CPSF6: variants seen among roughly 807,000 people sequenced by gnomAD.
CPSF6 encodes cleavage and polyadenylation specific factor 6.
Under a neutral mutation model 56.7 loss-of-function variants are expected in CPSF6, and 10 were observed. The ratio of observed to expected loss-of-function variants is 0.18; its 90% CI spans 0.11 to 0.30. The LOEUF (loss-of-function observed/expected upper bound fraction) is 0.30, where lower values mean the gene tolerates loss of function less well. Among genes scored for constraint, CPSF6 ranks in the 10% least tolerant of loss-of-function variants. The pLI is 1.00. For synonymous variants in CPSF6, 248 were observed against 244.8 expected (o/e 1.01, Z -0.12); for missense variants, 419 against 722.9 (o/e 0.58, Z 4.82).
chr12:69,250,590 CAAAAAAAAA>C (rs61337613), intron 1 of CPSF6, among the ~76,000 whole-genome samples: 7 of 48,862 alleles, frequency 1.4e-4, no homozygotes, highest in East Asian at 6.9e-4. Context: ...CTGGTCTCTA[CAAAAAAAAA>C]AAAAAAAAGA....
At chr12:69,253,216 CTTTCCT>C in intron 3 of CPSF6, 62 bp downstream of exon 3, 2 of 865,472 alleles carry the variant, frequency 2.3e-6, no homozygotes, top group Non-Finnish European at 3.7e-6. Flanking sequence ...TACAAGTTAA[CTTTCCT>C]TTAAGTTAAT....
At chr12:69,259,128 G>A (rs1355920012) in intron 6 of CPSF6, 34 bp downstream of exon 6, 1 of 1,560,982 alleles carries the variant, frequency 6.4e-7, no homozygotes, top group Admixed American at 1.8e-5. Flanking sequence ...AGTACTTGAT[G>A]ATAAAAGATA....
In CPSF6 at chr12:69,270,114, G is replaced by A. The variant is rs558303667; in HGVS notation, c.*606G>A. On this transcript the variant is annotated 3_prime_UTR_variant, in exon 10 of 10. Transcript: ENST00000435070. ...TCTTGCGTTCAGTGAATTAAACATA[G>A]TAATTAAGTGTCTTTTGCCCTTGAT... The A allele has an allele frequency of 3.6e-4, 55 of 152,244 alleles. No homozygotes were observed. Among genetic ancestry groups the A allele is most frequent in the African/African-American group, 1.3e-3 (54 of 41,534 alleles). The allele number at this position is 152,244 out of a possible 1,614,324, so 9.4% of individuals were successfully genotyped here.
chr12:69,246,566 T>A (rs892041522), intron 1 of CPSF6, among the ~76,000 whole-genome samples: 1 of 152,242 alleles, frequency 6.6e-6, no homozygotes, highest in Non-Finnish European at 1.5e-5. Context: ...TAGCCAGTTT[T>A]AATAACTACT....
At chr12:69,253,573 A>G (rs1437652317) in intron 3 of CPSF6, among the ~76,000 whole-genome samples, 1 of 152,188 alleles carries the variant, frequency 6.6e-6, no homozygotes, top group Non-Finnish European at 1.5e-5. Context: ...TGAGAACATT[A>G]TAAATACAGA....
In CPSF6 at chr12:69,257,719, T is replaced by C; in HGVS notation, c.521-13T>C. 1 of 1,601,820 alleles carries C rather than the reference T, an allele frequency of 6.2e-7. No homozygotes were observed. ...TTAATAAGTGCTATTTATGAGTATT[T>C]GGATATTTGCAGCTACACAATCAGG... On this transcript the variant is annotated splice_polypyrimidine_tract_variant and intron_variant, in intron 4 of 9. Coordinates refer to ENST00000435070, the MANE Select transcript of CPSF6 (RefSeq NM_007007.3).
At chr12:69,239,745 G>A (rs755950808) in intron 1 of CPSF6, 39 bp downstream of exon 1, 1 of 1,551,188 alleles carries the variant, frequency 6.4e-7, no homozygotes, top group Non-Finnish European at 8.7e-7. Flanking sequence ...GACGCGGGCG[G>A]CGCTGCGGCC....
intron 9 of CPSF6, among the ~76,000 whole-genome samples, chr12:69,265,680 A>C (rs567555023): frequency 2.1e-3 from 305 of 143,956 alleles, no homozygotes; most frequent in Non-Finnish European, 3.4e-3. Flanking sequence ...TCAGCTCACC[A>C]CAACCTTCAC....
intron 1 of CPSF6, among the ~76,000 whole-genome samples, chr12:69,241,015 A>G (rs1311206003): frequency 1.3e-5 from 2 of 152,222 alleles, no homozygotes; most frequent in African/African-American, 2.4e-5. Context: ...TCCCACCTCC[A>G]TTAACCATCA....
In CPSF6 at chr12:69,262,012, C is replaced by A. The variant is rs566481077; in HGVS notation, c.1470-361C>A. On this transcript the variant is annotated intron_variant, in intron 8 of 9. Transcript: ENST00000435070. The stretch of plus-strand genomic sequence containing the variant: ...TTCATGACTTTTATATCTAAAAAAA[C>A]CATATTGTAGATGTTCTTTAGCTTG... Among the ~76,000 whole-genome samples the A allele has an allele frequency of 3.3e-5, 5 of 152,256 alleles. No individual in the cohort carries two copies. The East Asian group carries it at 9.6e-4, about 29-fold the overall frequency.
At chr12:69,257,702 T>C (rs774384509) in intron 4 of CPSF6, 30 bp from the exon 5 acceptor site, 39 of 1,579,228 alleles carry the variant, frequency 2.5e-5, no homozygotes, top group Non-Finnish European at 3.3e-5. Context: ...TTTTAATAAG[T>C]GCTATTTATG....
At chr12:69,259,147 G>T (rs1872638493) in intron 6 of CPSF6, 53 bp downstream of exon 6, 1 of 1,521,722 alleles carries the variant, frequency 6.6e-7, no homozygotes, top group African/African-American at 1.4e-5. Flanking sequence ...TAGGAACAAT[G>T]ACTGTAAATA....
rs1414164181 is a variant in CPSF6 at position 69,243,889 on chromosome 12, G to A, written c.60+4183G>A. On this transcript the variant is annotated intron_variant, in intron 1 of 9. Transcript: ENST00000435070. ...CTCACTGTCATCCAGTCTGGAGTGC[G>A]GTGGTGCAGTTGTGGCTCACTGCAG... 3.3e-5 allele frequency among the ~76,000 whole-genome samples: 5 copies of A among 152,286 alleles called. No individual in the cohort carries two copies. In the East Asian group the frequency reaches 9.7e-4, roughly 29 times the overall value.
chr12:69,253,451 A>G (rs923422805), intron 3 of CPSF6, among the ~76,000 whole-genome samples: 2 of 152,190 alleles, frequency 1.3e-5, no homozygotes, highest in South Asian at 2.1e-4. Context: ...TTTAAGAACC[A>G]TTACTCTCCC....
chr12:69,243,704 G>T (rs1346779541), intron 1 of CPSF6, among the ~76,000 whole-genome samples: 3 of 152,192 alleles, frequency 2.0e-5, no homozygotes, highest in Non-Finnish European at 4.4e-5. Flanking sequence ...CTCTGGGAGA[G>T]TCAGCAAGTG....
At chr12:69,248,335 C>T (rs1872022234) in intron 1 of CPSF6, among the ~76,000 whole-genome samples, 1 of 151,974 alleles carries the variant, frequency 6.6e-6, no homozygotes, top group African/African-American at 2.4e-5. Flanking sequence ...TTTACTTTCC[C>T]TCAGACCATA....
chr12:69,265,982 A>G (rs1392499757), intron 9 of CPSF6, among the ~76,000 whole-genome samples: 2 of 150,338 alleles, frequency 1.3e-5, no homozygotes. Context: ...AAGATTTAGG[A>G]TGCTTTGCAT....
At chr12:69,241,243 T>A (rs1464197827) in intron 1 of CPSF6, among the ~76,000 whole-genome samples, 1 of 152,260 alleles carries the variant, frequency 6.6e-6, no homozygotes, top group Non-Finnish European at 1.5e-5. Flanking sequence ...TTTGTGTTTT[T>A]AAAATTGTGC....
At position 69,239,573 on chromosome 12, in the gene CPSF6, G is replaced by T. The variant is rs1871479171; in HGVS notation, c.-74G>T. On this transcript the variant is annotated 5_prime_UTR_variant, in exon 1 of 10. Transcript: ENST00000435070. ...CGCAAGCGCCCCCCCACCGCCGCTA[G>T]ATCCGCTGCTGCTGCCGCGGCGGGC... The T allele has an allele frequency of 1.3e-6, 2 of 1,501,854 alleles. No individual in the cohort carries two copies. Among genetic ancestry groups the T allele is most frequent in the Non-Finnish European group, 1.8e-6 (2 of 1,124,144 alleles). The allele number at this position is 1,501,854 out of a possible 1,614,324, so 93.0% of individuals were successfully genotyped here.
Sources: gnomAD v4.1 joint callset for allele counts (sites outside exome capture counted in the v4.1 genomes callset) on GRCh38, gnomAD v4.1.1 for gene constraint, MANE v1.5 for transcripts, NCBI Gene and HGNC (gene_info 2026-07-23, HGNC 2026-07-21) for gene names.